The following FBXL2 variants were observed in gnomAD, a reference collection of about 807,000 sequenced individuals.
FBXL2 encodes F-box and leucine rich repeat protein 2.
In FBXL2, 38 loss-of-function variants were observed where a neutral mutation model predicts 69.2. That is an observed-to-expected ratio of 0.55 (90% confidence interval 0.42 to 0.72). The LOEUF (loss-of-function observed/expected upper bound fraction) is 0.72. Ranked by LOEUF, FBXL2 falls within the 30% of genes least tolerant of loss-of-function variation. The pLI, the probability that FBXL2 is intolerant of heterozygous loss-of-function variation, is 0.00. For missense variants in FBXL2, 354 were observed against 520.3 expected, an observed-to-expected ratio of 0.68 and a Z score of 3.11; for synonymous variants, 192 against 201.3, an observed-to-expected ratio of 0.95 and a Z score of 0.39.
intron 2 of FBXL2, among the ~76,000 whole-genome samples, chr3:33,318,320 A>G (rs971868729): frequency 6.6e-6 from 1 of 152,098 alleles, no homozygotes; most frequent in Non-Finnish European, 1.5e-5. Flanking sequence ...GAAATAGTTG[A>G]CTTTTCTAAC....
Position 33,359,020 on chromosome 3 carries a change from A to G in FBXL2, c.119A>G (p.Lys40Arg). ...TTGTGCCGATGTGCACAGATTTCCA[A>G]GGTAGAGTATTCACCAGATTTTTTA... ...VTLCRCAQIS[K>R]AWNILALDGS... Residue 40 changes from lysine (K) to arginine (R), a missense_variant and splice_region_variant, in exon 3 of 15, where the codon AAG becomes AGG. By Grantham distance (26) the Lys-to-Arg change is conservative. Coordinates refer to ENST00000484457, the MANE Select transcript of FBXL2 (RefSeq NM_012157.5). The G allele has an allele frequency of 6.5e-7, 1 of 1,542,856 alleles. No homozygotes were observed. Among genetic ancestry groups the G allele is most frequent in the South Asian group, 1.3e-5 (1 of 77,904 alleles).
intron 12 of FBXL2, chr3:33,402,984 C>T (rs752254621): frequency 4.1e-6 from 5 of 1,209,890 alleles, no homozygotes; most frequent in East Asian, 2.6e-5. Context: ...CACTCACTAA[C>T]CAAATGCAAG....
intron 12 of FBXL2, among the ~76,000 whole-genome samples, chr3:33,394,194 A>T (rs913661667): frequency 9.6e-5 from 6 of 62,522 alleles, no homozygotes; most frequent in South Asian, 5.3e-4. Context: ...GCTAATTTTT[A>T]TTATTATTAT....
chr3:33,314,448 C>G (rs1471929422), intron 2 of FBXL2, among the ~76,000 whole-genome samples: 1 of 152,132 alleles, frequency 6.6e-6, no homozygotes, highest in Non-Finnish European at 1.5e-5. Context: ...TGACTTATTT[C>G]ATAGTGTCCT....
chr3:33,302,422 GTCT>G (rs2125732670), intron 2 of FBXL2, among the ~76,000 whole-genome samples: 1 of 152,232 alleles, frequency 6.6e-6, no homozygotes, highest in African/African-American at 2.4e-5. Context: ...AAAAAAAAAT[GTCT>G]TCTGTGAATT....
rs542237312 is a variant in FBXL2, at chr3:33,386,566, G to T, written c.*958G>T. On this transcript the variant is annotated 3_prime_UTR_variant, in exon 15 of 15. Coordinates refer to ENST00000484457, the MANE Select transcript of FBXL2 (RefSeq NM_012157.5). ...AAAAGTTTTACACACTTAAAACTCA[G>T]ATCAGTAAGTGTTGGTACCTTTTAG... 1 of 151,990 alleles carries T rather than the reference G, an allele frequency of 6.6e-6. No individual in the cohort carries two copies. Among genetic ancestry groups the T allele is most frequent in the East Asian group, 1.9e-4 (1 of 5,172 alleles). 9.4% of individuals were successfully genotyped at this position (151,990 alleles called of 1,614,324 possible). A position where few individuals can be genotyped will look rare whatever the true frequency, so the allele number is the denominator to read the frequency against.
chr3:33,286,744 C>T (rs1160028083), intron 1 of FBXL2, among the ~76,000 whole-genome samples: 1 of 152,190 alleles, frequency 6.6e-6, no homozygotes, highest in Admixed American at 6.5e-5. Flanking sequence ...ATGGCGGGCC[C>T]CTCTCCTCCA....
chr3:33,410,974 G>A, the FBXL2 span, among the ~76,000 whole-genome samples: 1 of 151,722 alleles, frequency 6.6e-6, no homozygotes, highest in African/African-American at 2.4e-5. Context: ...TCAGGAGGCT[G>A]AGAGATGAGA....
chr3:33,394,002 A>G (rs774709548), intron 12 of FBXL2, among the ~76,000 whole-genome samples: 15 of 151,834 alleles, frequency 9.9e-5, no homozygotes, highest in Non-Finnish European at 1.5e-4. Context: ...AAAGAACCCT[A>G]AAAGAGTCAT....
intron 2 of FBXL2, among the ~76,000 whole-genome samples, chr3:33,302,587 A>G (rs1046355809): frequency 1.3e-5 from 2 of 152,240 alleles, no homozygotes; most frequent in Non-Finnish European, 2.9e-5. Context: ...TGCAGTAAAC[A>G]GCTTAAAACA....
In FBXL2 at chr3:33,277,538, C is replaced by T. The variant is rs2033405968; in HGVS notation, c.3+23C>T. ...ATGGTGAGTCTGGGACCCGCGTCTGCCTAGCTGCCCCGCCCTACCCCTACC... is the reference window on the plus strand; with the variant it reads ...ATGGTGAGTCTGGGACCCGCGTCTGTCTAGCTGCCCCGCCCTACCCCTACC... On this transcript the variant is annotated intron_variant, in intron 1 of 14. Coordinates refer to ENST00000484457, the MANE Select transcript of FBXL2 (RefSeq NM_012157.5). 3.1e-6 allele frequency: 4 copies of T among 1,285,192 alleles called. No individual in the cohort carries two copies. The East Asian group carries it at 1.2e-4, about 40-fold the overall frequency. The allele number at this position is 1,285,192 out of a possible 1,614,324, so 79.6% of individuals were successfully genotyped here. A position where few individuals can be genotyped will look rare whatever the true frequency, so the allele number is the denominator to read the frequency against.
chr3:33,282,177 T>C (rs2034085336), intron 1 of FBXL2, among the ~76,000 whole-genome samples: 1 of 152,244 alleles, frequency 6.6e-6, no homozygotes, highest in Non-Finnish European at 1.5e-5. Context: ...TTTATGGTTT[T>C]AGGTCTTACA....
chr3:33,380,866 A>G (rs191926645), intron 13 of FBXL2, among the ~76,000 whole-genome samples: 2 of 152,270 alleles, frequency 1.3e-5, no homozygotes, highest in East Asian at 1.9e-4. Context: ...GTGACAGTGC[A>G]TGACAGGAGA....
intron 1 of FBXL2, among the ~76,000 whole-genome samples, chr3:33,280,713 C>CAAAAAAAAAAAA (rs34093056): frequency 2.5e-4 from 20 of 81,364 alleles, no homozygotes; most frequent in South Asian, 4.0e-4. Flanking sequence ...GCCCTGTATC[C>CAAAAAAAAAAAA]AAAAAAAAAA....
intron 14 of FBXL2, among the ~76,000 whole-genome samples, chr3:33,384,634 C>T (rs2043291619): frequency 6.6e-6 from 1 of 152,190 alleles, no homozygotes; most frequent in South Asian, 2.1e-4. Flanking sequence ...ACAATAGTGT[C>T]ACCTTAAACT....
Position 33,380,686 on chromosome 3 carries a change from A to AT in FBXL2, c.951+1947dup, listed in dbSNP as rs113617795. Reference sequence around the variant, plus strand: ...GAAATTCTTTGTGCAATGAAAAGTGATTGTCTTTCTCTGTCCCTCTCCTCC... The same window carrying AT: ...GAAATTCTTTGTGCAATGAAAAGTGATTTGTCTTTCTCTGTCCCTCTCCTCC... On this transcript the variant is annotated intron_variant, in intron 13 of 14. Transcript: ENST00000484457. Among the ~76,000 whole-genome samples, 203 of 152,004 alleles carry AT rather than the reference A, an allele frequency of 1.3e-3. 2 individuals are homozygous for AT. Among genetic ancestry groups the AT allele is most frequent in the African/African-American group, 4.7e-3 (194 of 41,456 alleles).
chr3:33,378,556 C>T (rs1023107181), intron 12 of FBXL2, 129 bp from the exon 13 acceptor site: 8 of 872,126 alleles, frequency 9.2e-6, no homozygotes, highest in Admixed American at 2.7e-5. Context: ...GAGGAGCTCC[C>T]AGCCCCAGAG....
At chr3:33,402,844 T>C in intron 12 of FBXL2, 1 of 1,607,936 alleles carries the variant, frequency 6.2e-7, no homozygotes, top group Non-Finnish European at 8.5e-7. Flanking sequence ...GAGGTGAAAG[T>C]GGGCGCTGGG....
At chr3:33,412,523 C>CA in the FBXL2 span, among the ~76,000 whole-genome samples, 2 of 150,394 alleles carry the variant, frequency 1.3e-5, no homozygotes. Flanking sequence ...GTAGAGGTTG[C>CA]AGTGAGCCAA....
Sources: allele counts gnomAD v4.1 joint callset (sites outside exome capture counted in the v4.1 genomes callset), GRCh38; gene constraint gnomAD v4.1.1; transcripts MANE v1.5; gene names NCBI Gene and HGNC (gene_info 2026-07-23, HGNC 2026-07-21).